LRRC4C: variants seen among roughly 807,000 people sequenced by gnomAD.
LRRC4C encodes leucine rich repeat containing 4C, also known as leucine-rich repeat-containing protein 4C.
A neutral mutation model predicts 33.6 loss-of-function variants in LRRC4C; 5 were observed. The observed-to-expected ratio is 0.15, with a 90% CI of 0.08 to 0.31. The LOEUF (loss-of-function observed/expected upper bound fraction) is 0.31, where lower values mean the gene tolerates loss of function less well. Among genes scored for constraint, LRRC4C ranks in the 10% least tolerant of loss-of-function variants. The pLI is 1.00. For missense variants in LRRC4C, 560 were observed against 796.7 expected, an observed-to-expected ratio of 0.70 and a Z score of 3.58; for synonymous variants, 329 against 302.0, an observed-to-expected ratio of 1.09 and a Z score of -0.93.
At chr11:40,839,694 G>C (rs1457318827) in intron 2 of LRRC4C, among the ~76,000 whole-genome samples, 1 of 152,138 alleles carries the variant, frequency 6.6e-6, no homozygotes, top group Non-Finnish European at 1.5e-5. Flanking sequence ...GTCCTCTACA[G>C]ATGGAAAGGA....
At chr11:40,908,944 A>G (rs1956545402) in intron 2 of LRRC4C, among the ~76,000 whole-genome samples, 1 of 152,124 alleles carries the variant, frequency 6.6e-6, no homozygotes. Context: ...CCATTTAGGG[A>G]GTATACAACT....
chr11:41,179,495 A>C (rs1209344960), intron 1 of LRRC4C, among the ~76,000 whole-genome samples: 1 of 152,192 alleles, frequency 6.6e-6, no homozygotes, highest in Middle Eastern at 3.2e-3. Context: ...TCTTCTCATT[A>C]ACTATCTAAT....
At chr11:40,538,467 C>A (rs1313558411) in intron 3 of LRRC4C, among the ~76,000 whole-genome samples, 4 of 152,130 alleles carry the variant, frequency 2.6e-5, no homozygotes, top group African/African-American at 7.2e-5. Context: ...TGAACTTATC[C>A]TTTTTTGTGG....
In LRRC4C at chr11:41,431,990, C is replaced by T. The variant is rs192874153; in HGVS notation, c.-496+27441G>A. The stretch of plus-strand genomic sequence containing the variant: ...AGAACTGCAAAAATGGATTCATTTC[C>T]GCTAGAGGGGCCATTGGCCATGTGC... On this transcript the variant is annotated intron_variant, in intron 1 of 6. Coordinates refer to ENST00000528697, the MANE Select transcript of LRRC4C (RefSeq NM_001258419.2). Among the ~76,000 whole-genome samples the T allele has an allele frequency of 7.6e-4, 116 of 152,088 alleles. 1 individual carries two copies. The highest frequency in any genetic ancestry group is 2.7e-3 in the African/African-American group (110 of 41,494).
intron 3 of LRRC4C, among the ~76,000 whole-genome samples, chr11:40,406,612 T>C (rs888609796): frequency 2.0e-5 from 3 of 152,166 alleles, no homozygotes; most frequent in African/African-American, 7.2e-5. Flanking sequence ...TGGTACTATA[T>C]GTGATTTTTA....
At chr11:41,059,807 T>C (rs1023769330) in intron 1 of LRRC4C, among the ~76,000 whole-genome samples, 2 of 152,092 alleles carry the variant, frequency 1.3e-5, no homozygotes, top group African/African-American at 4.8e-5. Context: ...GGTGGATCAC[T>C]TGAGGTCAGG....
At chr11:40,167,797 C>G (rs960287084) in intron 5 of LRRC4C, among the ~76,000 whole-genome samples, 5 of 152,142 alleles carry the variant, frequency 3.3e-5, no homozygotes, top group Non-Finnish European at 5.9e-5. Context: ...GTCATCCCAG[C>G]ACTTTGGGAG....
At chr11:40,898,698 T>G (rs1055805965) in intron 2 of LRRC4C, among the ~76,000 whole-genome samples, 2 of 152,020 alleles carry the variant, frequency 1.3e-5, no homozygotes, top group Non-Finnish European at 2.9e-5. Context: ...ATAAAAATAG[T>G]AGATTCAAAG....
intron 3 of LRRC4C, among the ~76,000 whole-genome samples, chr11:40,486,895 C>T (rs1488259915): frequency 6.6e-6 from 1 of 151,976 alleles, no homozygotes; most frequent in Non-Finnish European, 1.5e-5. Flanking sequence ...AGAACCACTT[C>T]CTGGTTAATT....
At chr11:40,775,665 G>A (rs1028064582) in intron 2 of LRRC4C, among the ~76,000 whole-genome samples, 3 of 152,094 alleles carry the variant, frequency 2.0e-5, no homozygotes, top group African/African-American at 7.2e-5. Context: ...TCAGGTCTAT[G>A]GGCCCTTTGG....
Position 40,511,330 on chromosome 11 carries a change from A to T in LRRC4C, c.-270+136812T>A, listed in dbSNP as rs1259593091. ...CTGTAAAAACTACTTATCTACAAAT[A>T]TAGGGTACATTTTATGACAAAGAAA... On this transcript the variant is annotated intron_variant, in intron 3 of 6. Coordinates refer to ENST00000528697, the MANE Select transcript of LRRC4C (RefSeq NM_001258419.2). Among the ~76,000 whole-genome samples, 4 of 152,312 alleles carry T rather than the reference A, an allele frequency of 2.6e-5. No individual in the cohort carries two copies. The East Asian group carries it at 5.8e-4, about 22-fold the overall frequency.
chr11:40,593,090 G>T (rs11035945), intron 3 of LRRC4C, among the ~76,000 whole-genome samples: 36,012 of 152,110 alleles, frequency 0.24, 4,755 homozygotes, highest in Middle Eastern at 0.36. Context: ...CACAGCCTCT[G>T]CAGCTTTATT....
In LRRC4C at chr11:40,931,445, G is replaced by C. The variant is rs939577465; in HGVS notation, c.-407+2190C>G. Among the ~76,000 whole-genome samples, 6 of 152,120 alleles carry C rather than the reference G, an allele frequency of 3.9e-5. No individual in the cohort carries two copies. In the East Asian group the frequency reaches 1.2e-3, roughly 29 times the overall value. On this transcript the variant is annotated intron_variant, in intron 2 of 6. Coordinates refer to ENST00000528697, the MANE Select transcript of LRRC4C (RefSeq NM_001258419.2). ...ATTGCTTATATATGTTTAATAAGCAGAGTCTTACTATTTAACTCAGATTTT... is the reference window on the plus strand; with the variant it reads ...ATTGCTTATATATGTTTAATAAGCACAGTCTTACTATTTAACTCAGATTTT...
At chr11:41,013,979 C>T (rs1317031358) in intron 1 of LRRC4C, among the ~76,000 whole-genome samples, 1 of 152,100 alleles carries the variant, frequency 6.6e-6, no homozygotes, top group Non-Finnish European at 1.5e-5. Context: ...ATGAGGGATC[C>T]ACCCCCATGA....
chr11:40,377,545 T>G (rs578170514), intron 3 of LRRC4C, among the ~76,000 whole-genome samples: 16 of 152,058 alleles, frequency 1.1e-4, no homozygotes, highest in African/African-American at 1.7e-4. Flanking sequence ...AGGTGGAAAA[T>G]GAGGAATAGT....
At chr11:40,206,122 T>C (rs755478313) in intron 5 of LRRC4C, among the ~76,000 whole-genome samples, 3 of 152,154 alleles carry the variant, frequency 2.0e-5, no homozygotes, top group Admixed American at 6.5e-5. Context: ...GTATAGTGCC[T>C]AACACATCAT....
chr11:41,043,749 C>T (rs1857589023), intron 1 of LRRC4C, among the ~76,000 whole-genome samples: 1 of 151,868 alleles, frequency 6.6e-6, no homozygotes, highest in South Asian at 2.1e-4. Flanking sequence ...ATTTATTTTA[C>T]CATTATGATT....
intron 1 of LRRC4C, among the ~76,000 whole-genome samples, chr11:41,128,281 T>C (rs2135816727): frequency 6.6e-6 from 1 of 151,784 alleles, no homozygotes; most frequent in African/African-American, 2.4e-5. Context: ...AAAAAAATCA[T>C]TTCTATTTGC....
intron 1 of LRRC4C, among the ~76,000 whole-genome samples, chr11:41,346,373 TA>T (rs1368647862): frequency 1.3e-5 from 2 of 151,982 alleles, no homozygotes; most frequent in Non-Finnish European, 2.9e-5. Context: ...TAAACAAACA[TA>T]AAAAAATTAT....
Sources: allele counts gnomAD v4.1 joint callset (sites outside exome capture counted in the v4.1 genomes callset), GRCh38; gene constraint gnomAD v4.1.1; transcripts MANE v1.5; gene names NCBI Gene and HGNC (gene_info 2026-07-23, HGNC 2026-07-21).